Variants in KIF6 observed in about 807,000 individuals in gnomAD.
The protein encoded by KIF6 is kinesin-like protein KIF6.
Under a neutral mutation model 112.7 loss-of-function variants are expected in KIF6, and 106 were observed. The ratio of observed to expected loss-of-function variants is 0.94; its 90% CI spans 0.80 to 1.11. The LOEUF (loss-of-function observed/expected upper bound fraction) is 1.11. KIF6 is among the 50% of genes least tolerant of loss of function. KIF6 has a pLI of 0.00. For synonymous variants in KIF6, 339 were observed against 339.9 expected, an observed-to-expected ratio of 1.00 and a Z score of 0.03; for missense variants, 929 against 964.0, an observed-to-expected ratio of 0.96 and a Z score of 0.48.
intron 13 of KIF6, among the ~76,000 whole-genome samples, chr6:39,448,213 C>T (rs1402030565): frequency 8.6e-5 from 13 of 152,022 alleles, no homozygotes; most frequent in Non-Finnish European, 1.2e-4. Flanking sequence ...TTGCTCTTGT[C>T]GCCCAAGCTG....
In KIF6 at chr6:39,385,667, G is replaced by A. The variant is rs1271144678; in HGVS notation, c.1816C>T (p.Leu606=). 6.2e-7 allele frequency: 1 copy of A among 1,613,042 alleles called. No homozygotes were observed. Among genetic ancestry groups the A allele is most frequent in the African/African-American group, 1.3e-5 (1 of 74,728 alleles). ...TGCCGCTGGGTGATTTCTTCCTTCA[G>A]GTGACCTGCCAAAGACACAAAAGAA... ...INEARSKIGH[L]KEEITQRHIQ... The change falls in exon 16 of 23, where the codon CTG becomes TTG. Residue 606 remains leucine, a synonymous_variant. Transcript: ENST00000287152.
intron 3 of KIF6, among the ~76,000 whole-genome samples, chr6:39,677,135 C>T (rs1787191202): frequency 6.6e-6 from 1 of 151,950 alleles, no homozygotes; most frequent in South Asian, 2.1e-4. Context: ...ATATAATATT[C>T]TGTACTGTGG....
chr6:39,709,508 T>G (rs1789411563), intron 3 of KIF6, among the ~76,000 whole-genome samples: 1 of 152,210 alleles, frequency 6.6e-6, no homozygotes, highest in African/African-American at 2.4e-5. Context: ...TCCTACTGTG[T>G]GGCCCAGTTC....
intron 5 of KIF6, among the ~76,000 whole-genome samples, chr6:39,622,678 A>G (rs188672358): frequency 2.2e-4 from 33 of 152,294 alleles, no homozygotes; most frequent in Admixed American, 6.5e-5. Context: ...TTCTCTTGCA[A>G]CTAAGGCTGC....
chr6:39,658,661 T>C (rs1445802234), intron 3 of KIF6, among the ~76,000 whole-genome samples: 1 of 152,198 alleles, frequency 6.6e-6, no homozygotes, highest in East Asian at 1.9e-4. Context: ...TACTTTGTTC[T>C]ACCACTACTT....
chr6:39,421,777 TG>T (rs1770388108), intron 14 of KIF6, among the ~76,000 whole-genome samples: 4 of 152,210 alleles, frequency 2.6e-5, no homozygotes, highest in African/African-American at 9.6e-5. Context: ...AGCGACGGCC[TG>T]TCACCTTCCA....
chr6:39,557,590 C>T (rs1779773723), intron 10 of KIF6, among the ~76,000 whole-genome samples: 1 of 151,900 alleles, frequency 6.6e-6, no homozygotes, highest in Non-Finnish European at 1.5e-5. Flanking sequence ...AAAAAGTAAA[C>T]CTAATAAAAG....
In KIF6 at chr6:39,584,856, T is replaced by C. The variant is rs755731924; in HGVS notation, c.1077+42A>G. On this transcript the variant is annotated intron_variant, in intron 9 of 22. Transcript: ENST00000287152. Reference sequence around the variant, plus strand: ...TACAAGTTTTAGCTAATCTTTGATATACTTTAATATATTTTTTAAAATATC... The same window carrying C: ...TACAAGTTTTAGCTAATCTTTGATACACTTTAATATATTTTTTAAAATATC... 3.3e-6 allele frequency: 4 copies of C among 1,227,324 alleles called. No homozygotes were observed. In the Admixed American group the frequency reaches 6.8e-5, roughly 21 times the overall value. 76.0% of individuals were successfully genotyped at this position (1,227,324 alleles called of 1,614,324 possible). A position where few individuals can be genotyped will look rare whatever the true frequency, so the allele number is the denominator to read the frequency against.
At chr6:39,595,962 TA>T (rs140081530) in intron 7 of KIF6, 91 bp downstream of exon 7, 83,825 of 954,716 alleles carry the variant, frequency 0.088, 4,168 homozygotes, top group South Asian at 0.16. Flanking sequence ...TTCATCATAA[TA>T]AAAAAAATTC....
intron 3 of KIF6, among the ~76,000 whole-genome samples, chr6:39,652,146 G>A (rs1262857309): frequency 1.3e-5 from 2 of 152,170 alleles, no homozygotes; most frequent in Non-Finnish European, 2.9e-5. Context: ...AATTCCGTGA[G>A]ACACATATCC....
At chr6:39,562,383 G>A (rs1042532035) in intron 10 of KIF6, among the ~76,000 whole-genome samples, 5 of 152,096 alleles carry the variant, frequency 3.3e-5, no homozygotes, top group Non-Finnish European at 7.4e-5. Flanking sequence ...GCCTCCTACT[G>A]GATATCCCAG....
At chr6:39,504,347 C>T (rs1476638812) in intron 13 of KIF6, among the ~76,000 whole-genome samples, 3 of 150,772 alleles carry the variant, frequency 2.0e-5, no homozygotes, top group Non-Finnish European at 1.5e-5. Context: ...TGTATTGAAC[C>T]TCAAAATAAT....
intron 13 of KIF6, among the ~76,000 whole-genome samples, chr6:39,435,258 C>T (rs55676006): frequency 0.18 from 26,813 of 152,050 alleles, 3,009 homozygotes; most frequent in African/African-American, 0.3. Flanking sequence ...TTTATTTTTA[C>T]AATATCACAG....
intron 10 of KIF6, among the ~76,000 whole-genome samples, chr6:39,563,744 T>C (rs976236723): frequency 2.0e-5 from 3 of 152,178 alleles, no homozygotes; most frequent in African/African-American, 7.2e-5. Flanking sequence ...GAAAAAAATT[T>C]TACAAAGGAC....
chr6:39,429,898 ACT>A (rs1190123799), intron 14 of KIF6, among the ~76,000 whole-genome samples: 3 of 150,514 alleles, frequency 2.0e-5, no homozygotes, highest in Admixed American at 6.6e-5. Context: ...ACAGAGTGAG[ACT>A]CTGTCTCAAA....
chr6:39,607,703 G>A (rs187301139), intron 6 of KIF6, among the ~76,000 whole-genome samples: 2 of 152,224 alleles, frequency 1.3e-5, no homozygotes, highest in East Asian at 1.9e-4. Context: ...TAGGATTAAA[G>A]GTGAGAGCCA....
At chr6:39,591,473 AT>A (rs1334976206) in intron 7 of KIF6, among the ~76,000 whole-genome samples, 1 of 152,190 alleles carries the variant, frequency 6.6e-6, no homozygotes, top group African/African-American at 2.4e-5. Context: ...ATTAATAGAG[AT>A]TATTTCTGGA....
At chr6:39,505,401 T>C (rs941769844) in intron 13 of KIF6, among the ~76,000 whole-genome samples, 1 of 151,996 alleles carries the variant, frequency 6.6e-6, no homozygotes, top group Non-Finnish European at 1.5e-5. Flanking sequence ...AAAAACCCTA[T>C]AAGAAAACCT....
intron 10 of KIF6, among the ~76,000 whole-genome samples, chr6:39,570,730 C>CCTGGA (rs1344029719): frequency 6.6e-6 from 1 of 152,038 alleles, no homozygotes; most frequent in Admixed American, 6.6e-5. Context: ...AGAGGCTTTT[C>CCTGGA]CACTTTTGCT....
Sources: gnomAD v4.1 joint callset for allele counts (sites outside exome capture counted in the v4.1 genomes callset) on GRCh38, gnomAD v4.1.1 for gene constraint, MANE v1.5 for transcripts, NCBI Gene and HGNC (gene_info 2026-07-23, HGNC 2026-07-21) for gene names.